The following MYO1E variants were observed in gnomAD, a reference collection of about 807,000 sequenced individuals.
MYO1E encodes myosin IE.
MYO1E carries 68 observed loss-of-function variants against 151.1 expected under a neutral mutation model. The ratio of observed to expected loss-of-function variants is 0.45; its 90% CI spans 0.37 to 0.55. The LOEUF (loss-of-function observed/expected upper bound fraction) is 0.55, where lower values mean the gene tolerates loss of function less well. MYO1E is among the 20% of genes least tolerant of loss of function. The probability of loss-of-function intolerance (pLI) is 0.00; values close to 1 mark genes in which losing one functional copy is unlikely to be tolerated. For synonymous variants in MYO1E, 601 were observed against 501.7 expected (o/e 1.20, Z -2.64); for missense variants, 1,363 against 1,389.3 (o/e 0.98, Z 0.30).
At chr15:59,202,541 C>T (rs2079808684) in intron 15 of MYO1E, 134 bp from the exon 16 acceptor site, 4 of 753,228 alleles carry the variant, frequency 5.3e-6, no homozygotes, top group Non-Finnish European at 9.3e-6. Flanking sequence ...ATCTGACTCA[C>T]AGCGCGGGCC....
intron 16 of MYO1E, among the ~76,000 whole-genome samples, chr15:59,197,679 C>T (rs2079776390): frequency 6.6e-6 from 1 of 152,210 alleles, no homozygotes; most frequent in Non-Finnish European, 1.5e-5. Context: ...TCTTTGGCAA[C>T]AATCCTATCC....
intron 15 of MYO1E, 112 bp downstream of exon 15, chr15:59,205,288 G>T: frequency 1.9e-6 from 2 of 1,053,200 alleles, no homozygotes; most frequent in Non-Finnish European, 3.0e-6. Flanking sequence ...TTAGCCTCCT[G>T]AGTAGCTGGG....
At chr15:59,324,081 A>T (rs1173161342) in intron 1 of MYO1E, among the ~76,000 whole-genome samples, 2 of 152,206 alleles carry the variant, frequency 1.3e-5, no homozygotes, top group African/African-American at 4.8e-5. Context: ...TCTCAAGAAC[A>T]GGACCCACTT....
chr15:59,244,177 T>C (rs1286825333), intron 4 of MYO1E, among the ~76,000 whole-genome samples: 1 of 152,208 alleles, frequency 6.6e-6, no homozygotes, highest in Non-Finnish European at 1.5e-5. Context: ...GACAAATATC[T>C]AGTTAATTGG....
chr15:59,145,342 G>A (rs1021755963), intron 26 of MYO1E, among the ~76,000 whole-genome samples: 7 of 152,186 alleles, frequency 4.6e-5, no homozygotes, highest in Non-Finnish European at 1.5e-5. Flanking sequence ...AGAACTTTCA[G>A]GAATTTTGTG....
chr15:59,161,046 T>G, intron 24 of MYO1E, 27 bp downstream of exon 24: 1 of 1,612,402 alleles, frequency 6.2e-7, no homozygotes, highest in Non-Finnish European at 8.5e-7. Flanking sequence ...GCGGCAGTTC[T>G]GCCTGCAGGG....
chr15:59,354,596 A>G (rs2080843476), intron 1 of MYO1E, among the ~76,000 whole-genome samples: 1 of 151,920 alleles, frequency 6.6e-6, no homozygotes, highest in Non-Finnish European at 1.5e-5. Context: ...TAAATGTGAT[A>G]ATAAATATCA....
intron 1 of MYO1E, among the ~76,000 whole-genome samples, chr15:59,338,018 G>A (rs569281685): frequency 6.6e-5 from 10 of 152,082 alleles, no homozygotes; most frequent in East Asian, 3.9e-4. Context: ...AAATGTCAGC[G>A]AAGAGTGTAA....
chr15:59,138,429 G>A (rs547382672), intron 26 of MYO1E, 62 bp from the exon 27 acceptor site: 1 of 1,584,800 alleles, frequency 6.3e-7, no homozygotes, highest in African/African-American at 1.3e-5. Context: ...ACCGAACGGT[G>A]GTTTGGAGCA....
rs1488100869 is a variant in MYO1E at position 59,271,168 on chromosome 15, G to A, written c.147+1138C>T. ...TGATAAGTTGAACCCGACCCCCCAC[G>A]ACTTACCAGTGATGGGATAGGCAGC... On this transcript the variant is annotated intron_variant, in intron 2 of 27. Transcript: ENST00000288235. The A allele has an allele frequency of 7.2e-5, 11 of 152,282 alleles. No individual in the cohort carries two copies. The East Asian group carries it at 1.5e-3, about 21-fold the overall frequency. The allele number at this position is 152,282 out of a possible 1,614,324, so 9.4% of individuals were successfully genotyped here.
At chr15:59,259,966 C>G (rs1307202173) in intron 3 of MYO1E, among the ~76,000 whole-genome samples, 1 of 152,200 alleles carries the variant, frequency 6.6e-6, no homozygotes, top group East Asian at 1.9e-4. Flanking sequence ...ATGACACAGC[C>G]AGCATCCAGG....
chr15:59,233,420 C>A (rs1231833414), intron 5 of MYO1E, among the ~76,000 whole-genome samples: 2 of 152,074 alleles, frequency 1.3e-5, no homozygotes, highest in African/African-American at 4.8e-5. Flanking sequence ...AATCCCAGCA[C>A]TTTGGGAAGC....
At chr15:59,331,235 G>A (rs1217215017) in intron 1 of MYO1E, among the ~76,000 whole-genome samples, 1 of 152,158 alleles carries the variant, frequency 6.6e-6, no homozygotes, top group African/African-American at 2.4e-5. Flanking sequence ...TAGGATCAAT[G>A]AGGAAAACCT....
At chr15:59,190,243 A>G (rs2079724909) in intron 17 of MYO1E, among the ~76,000 whole-genome samples, 1 of 152,198 alleles carries the variant, frequency 6.6e-6, no homozygotes, top group Non-Finnish European at 1.5e-5. Flanking sequence ...TCTTTCGAAG[A>G]TGGAATGTCA....
chr15:59,243,099 C>CTTTTTTTTTTTTTTTTTTTTTTTTT (rs3985715), intron 4 of MYO1E, among the ~76,000 whole-genome samples: 1 of 133,456 alleles, frequency 7.5e-6, no homozygotes, highest in African/African-American at 2.8e-5. Context: ...TTAGACCCTG[C>CTTTTTTTTTTTTTTTTTTTTTTTTT]TTTTTTTTTT....
chr15:59,347,015 T>A (rs543535829), intron 1 of MYO1E, among the ~76,000 whole-genome samples: 70 of 151,904 alleles, frequency 4.6e-4, no homozygotes, highest in Middle Eastern at 3.4e-3. Flanking sequence ...AAGGACACCA[T>A]GTCTGTGGGT....
intron 1 of MYO1E, among the ~76,000 whole-genome samples, chr15:59,273,388 G>A (rs766733461): frequency 2.0e-5 from 3 of 152,114 alleles, no homozygotes; most frequent in Admixed American, 1.3e-4. Context: ...GGAACAAAGT[G>A]ACTCATGAGC....
At chr15:59,147,383 T>C (rs2079447351) in intron 26 of MYO1E, among the ~76,000 whole-genome samples, 1 of 151,986 alleles carries the variant, frequency 6.6e-6, no homozygotes, top group East Asian at 1.9e-4. Context: ...GCGGATCACT[T>C]GAGGCCAGGA....
At chr15:59,165,387 C>T (rs987059962) in intron 22 of MYO1E, among the ~76,000 whole-genome samples, 6 of 152,146 alleles carry the variant, frequency 3.9e-5, no homozygotes, top group Admixed American at 6.5e-5. Context: ...AAGTCAGAAC[C>T]CTTTACAGTG....
Sources: gnomAD v4.1 joint callset for allele counts (sites outside exome capture counted in the v4.1 genomes callset) on GRCh38, gnomAD v4.1.1 for gene constraint, MANE v1.5 for transcripts, NCBI Gene and HGNC (gene_info 2026-07-23, HGNC 2026-07-21) for gene names.